Variants in WWOX observed in about 807,000 individuals in gnomAD.
WWOX encodes the protein WW domain containing oxidoreductase, also known as WW domain-containing oxidoreductase.
A neutral mutation model predicts 46.2 loss-of-function variants in WWOX; 69 were observed. The ratio of observed to expected loss-of-function variants is 1.49; its 90% CI spans 1.23 to 1.82. WWOX has a LOEUF of 1.82. WWOX is among the 40% of genes most tolerant of loss of function. The probability of loss-of-function intolerance (pLI) is 0.00; values close to 1 mark genes in which losing one functional copy is unlikely to be tolerated. For synonymous variants in WWOX, 359 were observed against 202.6 expected, an observed-to-expected ratio of 1.77 and a Z score of -6.56; for missense variants, 919 against 542.6, an observed-to-expected ratio of 1.69 and a Z score of -6.89.
chr16:78,625,209 C>G (rs546382715), intron 8 of WWOX, among the ~76,000 whole-genome samples: 8 of 152,184 alleles, frequency 5.3e-5, no homozygotes, highest in Non-Finnish European at 1.2e-4. Flanking sequence ...AGCTGCAGTT[C>G]TGCGTTTAGG....
intron 8 of WWOX, among the ~76,000 whole-genome samples, chr16:79,005,066 C>T (rs1041865290): frequency 1.3e-5 from 2 of 152,164 alleles, no homozygotes; most frequent in African/African-American, 4.8e-5. Context: ...AGCCCCTGTA[C>T]TGGGCACATG....
At chr16:78,838,615 A>G (rs1020083199) in intron 8 of WWOX, among the ~76,000 whole-genome samples, 3 of 152,144 alleles carry the variant, frequency 2.0e-5, no homozygotes, top group African/African-American at 7.2e-5. Context: ...GCCAAGGCAG[A>G]TGGGTCACCT....
At chr16:78,600,012 G>T (rs1289645360) in intron 8 of WWOX, among the ~76,000 whole-genome samples, 1 of 152,122 alleles carries the variant, frequency 6.6e-6, no homozygotes, top group African/African-American at 2.4e-5. Context: ...GCTCCACATG[G>T]CTGGGGAGGC....
rs148269089 is a variant in WWOX at position 78,892,671 on chromosome 16, T to C, written c.1057-318937T>C. On this transcript the variant is annotated intron_variant, in intron 8 of 8. Transcript: ENST00000566780. ...CAAAAGCAAAACAATTAGGCCAGCA[T>C]TGGGCTAGGTGAGGATCCATTGTCT... Among the ~76,000 whole-genome samples, 559 of 152,320 alleles carry C rather than the reference T, an allele frequency of 3.7e-3. 2 individuals are homozygous for C. Among genetic ancestry groups the C allele is most frequent in the Non-Finnish European group, 6.3e-3 (429 of 68,024 alleles).
chr16:78,838,191 G>A (rs1310302692), intron 8 of WWOX, among the ~76,000 whole-genome samples: 1 of 152,090 alleles, frequency 6.6e-6, no homozygotes. Flanking sequence ...GTGGGTGGTG[G>A]TGAAGCAGAG....
intron 8 of WWOX, among the ~76,000 whole-genome samples, chr16:78,821,885 AC>A (rs1232693578): frequency 6.6e-6 from 1 of 152,086 alleles, no homozygotes; most frequent in Non-Finnish European, 1.5e-5. Context: ...ATTAAAATAA[AC>A]TTTTTTTTTA....
chr16:78,678,640 A>G (rs1343886931), intron 8 of WWOX, among the ~76,000 whole-genome samples: 3 of 152,150 alleles, frequency 2.0e-5, no homozygotes, highest in Non-Finnish European at 4.4e-5. Context: ...AGGAAAACAC[A>G]TGGAGTCTTG....
intron 8 of WWOX, among the ~76,000 whole-genome samples, chr16:78,717,021 T>C (rs949078459): frequency 6.6e-6 from 1 of 152,206 alleles, no homozygotes; most frequent in Non-Finnish European, 1.5e-5. Context: ...TGGTTGTCTG[T>C]GAGGACAACA....
chr16:78,506,096 A>G (rs1452508972), intron 8 of WWOX, among the ~76,000 whole-genome samples: 1 of 152,122 alleles, frequency 6.6e-6, no homozygotes, highest in African/African-American at 2.4e-5. Flanking sequence ...CTTGGCCAGC[A>G]GGGGCTGCCT....
At chr16:78,835,015 C>T (rs1183528359) in intron 8 of WWOX, among the ~76,000 whole-genome samples, 1 of 151,994 alleles carries the variant, frequency 6.6e-6, no homozygotes, top group Non-Finnish European at 1.5e-5. Context: ...CTTTTTTGTT[C>T]AATTTCCACT....
intron 8 of WWOX, among the ~76,000 whole-genome samples, chr16:79,025,857 G>A (rs1292660578): frequency 1.4e-5 from 2 of 138,294 alleles, no homozygotes; most frequent in African/African-American, 5.5e-5. Flanking sequence ...GGAGTGCAAC[G>A]GCACAATCTT....
chr16:78,451,774 C>A (rs1303617776), intron 8 of WWOX, among the ~76,000 whole-genome samples: 1 of 152,166 alleles, frequency 6.6e-6, no homozygotes, highest in Non-Finnish European at 1.5e-5. Flanking sequence ...TATACAGACA[C>A]TTATTGTCAA....
At chr16:78,735,612 C>G (rs537443226) in intron 8 of WWOX, among the ~76,000 whole-genome samples, 2 of 152,310 alleles carry the variant, frequency 1.3e-5, no homozygotes, top group East Asian at 3.9e-4. Context: ...ATGGGCCTGC[C>G]CTGTACATGA....
chr16:78,687,621 T>C (rs2047892879), intron 8 of WWOX, among the ~76,000 whole-genome samples: 1 of 152,170 alleles, frequency 6.6e-6, no homozygotes, highest in Non-Finnish European at 1.5e-5. Flanking sequence ...CTAAGAGTAA[T>C]GGTTATCTAT....
intron 8 of WWOX, among the ~76,000 whole-genome samples, chr16:78,447,893 T>G (rs1366732867): frequency 1.3e-5 from 2 of 152,130 alleles, no homozygotes; most frequent in Non-Finnish European, 2.9e-5. Context: ...AACGTCCACC[T>G]CCTGGGTTTA....
chr16:78,234,876 A>G (rs1232988341), intron 5 of WWOX, among the ~76,000 whole-genome samples: 2 of 151,934 alleles, frequency 1.3e-5, no homozygotes, highest in East Asian at 3.9e-4. Context: ...ACTGAAGTTG[A>G]TATAGCAGGA....
intron 5 of WWOX, among the ~76,000 whole-genome samples, chr16:78,176,015 G>A (rs1159718087): frequency 6.6e-6 from 1 of 151,962 alleles, no homozygotes; most frequent in East Asian, 1.9e-4. Flanking sequence ...ACCTGATCAG[G>A]AATCACCCCG....
At chr16:78,661,426 A>G (rs2047209614) in intron 8 of WWOX, among the ~76,000 whole-genome samples, 1 of 152,102 alleles carries the variant, frequency 6.6e-6, no homozygotes, top group Non-Finnish European at 1.5e-5. Context: ...CTTTCAATAC[A>G]TCACATTGAT....
At chr16:78,511,950 A>T (rs755685124) in intron 8 of WWOX, among the ~76,000 whole-genome samples, 2 of 152,238 alleles carry the variant, frequency 1.3e-5, no homozygotes, top group Non-Finnish European at 2.9e-5. Context: ...TTCTGCGTTG[A>T]ATGGGTAAGA....
Sources: gnomAD v4.1 joint callset for allele counts (sites outside exome capture counted in the v4.1 genomes callset) on GRCh38, gnomAD v4.1.1 for gene constraint, MANE v1.5 for transcripts, NCBI Gene and HGNC (gene_info 2026-07-23, HGNC 2026-07-21) for gene names.